ERC1: variants seen among roughly 807,000 people sequenced by gnomAD.
The protein encoded by ERC1 is ELKS/RAB6-interacting/CAST family member 1, also known as RAB6 interacting protein 2.
In ERC1, 56 loss-of-function variants were observed where a neutral mutation model predicts 132.0. The observed-to-expected ratio is 0.42, with a 90% CI of 0.34 to 0.53. The LOEUF (loss-of-function observed/expected upper bound fraction) is 0.53. ERC1 is among the 20% of genes least tolerant of loss of function. ERC1 has a pLI of 0.03. For synonymous variants in ERC1, 478 were observed against 476.1 expected, an observed-to-expected ratio of 1.00 and a Z score of -0.05; for missense variants, 1,202 against 1,349.9, an observed-to-expected ratio of 0.89 and a Z score of 1.72.
chr12:1,055,724 C>T (rs1972831041), intron 2 of ERC1, among the ~76,000 whole-genome samples: 1 of 152,216 alleles, frequency 6.6e-6, no homozygotes, highest in Non-Finnish European at 1.5e-5. Flanking sequence ...CTGGATGGTT[C>T]TGCCACTTCA....
intron 15 of ERC1, among the ~76,000 whole-genome samples, chr12:1,363,107 C>G (rs1229585839): frequency 6.6e-6 from 1 of 152,190 alleles, no homozygotes; most frequent in African/African-American, 2.4e-5. Flanking sequence ...CCACTGCAGT[C>G]CCTGGCAACG....
chr12:1,067,281 G>T (rs906191306), intron 2 of ERC1, among the ~76,000 whole-genome samples: 1 of 152,154 alleles, frequency 6.6e-6, no homozygotes, highest in Non-Finnish European at 1.5e-5. Context: ...TCTGCTATCC[G>T]ATGAAAAGCA....
chr12:1,331,648 T>A lies in ERC1; in HGVS notation c.2781-40185T>A, dbSNP rs191606631. Among the ~76,000 whole-genome samples, 677 of 152,146 alleles carry A rather than the reference T, an allele frequency of 4.4e-3. 8 individuals carry two copies. The highest frequency in any genetic ancestry group is 0.016 in the African/African-American group (656 of 41,502). On this transcript the variant is annotated intron_variant, in intron 15 of 18. Transcript: ENST00000360905. ...AATAATTAGTCATTGGGACAGGAGG[T>A]GAGTACACGATTGCAGTTCCTGGTG...
At chr12:1,342,403 G>A (rs1468230283) in intron 15 of ERC1, among the ~76,000 whole-genome samples, 1 of 150,906 alleles carries the variant, frequency 6.6e-6, no homozygotes. Context: ...GGAGGCAGAG[G>A]TTGCAGTGAG....
At chr12:1,370,526 A>G (rs1424017159) in intron 15 of ERC1, among the ~76,000 whole-genome samples, 1 of 152,270 alleles carries the variant, frequency 6.6e-6, no homozygotes, top group Non-Finnish European at 1.5e-5. Context: ...AGTGTCAGTA[A>G]TGCCTCAGAT....
chr12:1,376,586 G>A (rs568514517), intron 16 of ERC1, among the ~76,000 whole-genome samples: 4 of 152,316 alleles, frequency 2.6e-5, no homozygotes, highest in South Asian at 4.1e-4. Context: ...TTGGGGAAGC[G>A]CTTCAGACCC....
chr12:1,383,596 T>C (rs2088961897), intron 16 of ERC1, among the ~76,000 whole-genome samples: 1 of 152,124 alleles, frequency 6.6e-6, no homozygotes, highest in African/African-American at 2.4e-5. Flanking sequence ...ATCACACCAC[T>C]GCACTCCAGC....
chr12:1,353,028 C>CTTTTTTTTTTTTT (rs547540688), intron 15 of ERC1, among the ~76,000 whole-genome samples: 30 of 122,964 alleles, frequency 2.4e-4, no homozygotes, highest in Non-Finnish European at 3.5e-4. Flanking sequence ...CTTTTCTTTT[C>CTTTTTTTTTTTTT]TTTTTTTTTT....
intron 8 of ERC1, among the ~76,000 whole-genome samples, chr12:1,175,138 G>C (rs1261769421): frequency 6.6e-6 from 1 of 152,172 alleles, no homozygotes; most frequent in African/African-American, 2.4e-5. Context: ...TAATATTCTT[G>C]CTAGTGGAGT....
chr12:1,116,094 C>G (rs1946410398), intron 7 of ERC1, 61 bp downstream of exon 7: 1 of 1,438,556 alleles, frequency 7.0e-7, no homozygotes, highest in African/African-American at 1.4e-5. Flanking sequence ...ATAAGCGTTA[C>G]CTGTGCTGTT....
intron 12 of ERC1, among the ~76,000 whole-genome samples, chr12:1,199,173 A>G (rs1956649137): frequency 6.7e-6 from 1 of 150,288 alleles, no homozygotes; most frequent in African/African-American, 2.5e-5. Flanking sequence ...ACTTCCCACC[A>G]GGCCCCACCT....
At chr12:1,106,496 G>C (rs1308972414) in intron 4 of ERC1, among the ~76,000 whole-genome samples, 2 of 151,544 alleles carry the variant, frequency 1.3e-5, no homozygotes, top group East Asian at 3.9e-4. Flanking sequence ...TATGGGAACT[G>C]TTGTCTTAAT....
intron 1 of ERC1, among the ~76,000 whole-genome samples, chr12:1,004,401 C>CTTTTTTTTTTTTTTTTT (rs71055118): frequency 3.2e-5 from 3 of 95,028 alleles, no homozygotes; most frequent in Non-Finnish European, 4.0e-5. Context: ...TTTTCTTTCT[C>CTTTTTTTTTTTTTTTTT]TTTTTTTTTT....
rs924929275 is a variant in ERC1, at chr12:1,081,637, G to A, written c.670-1527G>A. On this transcript the variant is annotated intron_variant, in intron 2 of 18. Coordinates refer to ENST00000360905, the MANE Select transcript of ERC1 (RefSeq NM_178040.4). ...TATAAAATTAAATAATAGTACATGTGTTGGGTATCTAAAATAGTCAAATTC... is the reference window on the plus strand; with the variant it reads ...TATAAAATTAAATAATAGTACATGTATTGGGTATCTAAAATAGTCAAATTC... 7.9e-5 allele frequency among the ~76,000 whole-genome samples: 12 copies of A among 152,280 alleles called. 2 individuals are homozygous for A. Among genetic ancestry groups the A allele is most frequent in the Admixed American group, 3.3e-4 (5 of 15,298 alleles).
intron 15 of ERC1, among the ~76,000 whole-genome samples, chr12:1,364,274 C>T (rs922654102): frequency 3.9e-5 from 6 of 152,206 alleles, no homozygotes; most frequent in African/African-American, 1.4e-4. Context: ...CCTGGCCTTT[C>T]CCCTTGCAGA....
At chr12:1,084,027 T>C (rs780891860) in intron 3 of ERC1, among the ~76,000 whole-genome samples, 1 of 152,214 alleles carries the variant, frequency 6.6e-6, no homozygotes. Flanking sequence ...ATAATGGATA[T>C]TTGCCCTGTG....
chr12:1,228,802 T>G (rs1335937843), intron 12 of ERC1, among the ~76,000 whole-genome samples: 1 of 152,214 alleles, frequency 6.6e-6, no homozygotes, highest in Non-Finnish European at 1.5e-5. Flanking sequence ...TCGTTCATTC[T>G]GTTAGTGTGG....
At chr12:1,468,146 T>C (rs998181040) in intron 18 of ERC1, among the ~76,000 whole-genome samples, 1 of 151,910 alleles carries the variant, frequency 6.6e-6, no homozygotes, top group African/African-American at 2.4e-5. Context: ...AAAAAATACT[T>C]ACTTCTAAAA....
intron 7 of ERC1, among the ~76,000 whole-genome samples, chr12:1,126,084 C>T (rs905438832): frequency 2.0e-5 from 3 of 152,166 alleles, no homozygotes; most frequent in African/African-American, 7.2e-5. Flanking sequence ...ATACTCAACA[C>T]TACTGAACTG....
Sources: gnomAD v4.1 joint callset for allele counts (sites outside exome capture counted in the v4.1 genomes callset) on GRCh38, gnomAD v4.1.1 for gene constraint, MANE v1.5 for transcripts, NCBI Gene and HGNC (gene_info 2026-07-23, HGNC 2026-07-21) for gene names.